Variants in SLC25A13 observed in about 807,000 individuals in gnomAD.
SLC25A13 encodes the protein electrogenic aspartate/glutamate antiporter SLC25A13, mitochondrial.
A neutral mutation model predicts 85.5 loss-of-function variants in SLC25A13; 70 were observed. That is an observed-to-expected ratio of 0.82 (90% CI 0.68 to 1.00). The LOEUF (loss-of-function observed/expected upper bound fraction) is 1.00. Among genes scored for constraint, SLC25A13 ranks in the 50% least tolerant of loss-of-function variants. SLC25A13 has a pLI of 0.00. For synonymous variants in SLC25A13, 259 were observed against 288.7 expected (o/e 0.90, Z 1.04); for missense variants, 765 against 819.8 (o/e 0.93, Z 0.82).
intron 13 of SLC25A13, 28 bp downstream of exon 13, chr7:96,170,017 A>C (rs747379156): frequency 1.2e-6 from 2 of 1,607,450 alleles, no homozygotes; most frequent in South Asian, 2.2e-5. Context: ...AAGTCTTTTC[A>C]ATGAAGAGAG....
chr7:96,265,787 A>C lies in SLC25A13; in HGVS notation c.212+11409T>G, dbSNP rs1798025053. On this transcript the variant is annotated intron_variant, in intron 3 of 17. Coordinates refer to ENST00000265631, the MANE Select transcript of SLC25A13 (RefSeq NM_014251.3). ...ATATCCTAGTACTTGGTAATTTATA[A>C]GTAACAGAATTTACTGCTCACAGTT... is the stretch of plus-strand genomic sequence containing the variant. Among the ~76,000 whole-genome samples the C allele has an allele frequency of 2.0e-5, 3 of 152,322 alleles. No homozygotes were observed. In the South Asian group the frequency reaches 6.2e-4, roughly 32 times the overall value.
At chr7:96,190,292 C>T (rs955783624) in intron 7 of SLC25A13, among the ~76,000 whole-genome samples, 1 of 151,790 alleles carries the variant, frequency 6.6e-6, no homozygotes, top group East Asian at 1.9e-4. Context: ...GGGGTTTCAC[C>T]GTGTTAGCCA....
intron 3 of SLC25A13, among the ~76,000 whole-genome samples, chr7:96,248,659 G>A (rs1465498000): frequency 6.6e-6 from 1 of 152,146 alleles, no homozygotes; most frequent in Admixed American, 6.5e-5. Flanking sequence ...AGTTCAGTCT[G>A]GGGGCTGGGA....
chr7:96,232,642 A>G (rs1388752193), intron 4 of SLC25A13, among the ~76,000 whole-genome samples: 1 of 37,152 alleles, frequency 2.7e-5, no homozygotes, highest in Non-Finnish European at 7.1e-5. Context: ...CTTCCCAAAG[A>G]AAAATGAAAA....
At chr7:96,244,314 G>A (rs1330294290) in intron 3 of SLC25A13, among the ~76,000 whole-genome samples, 1 of 152,168 alleles carries the variant, frequency 6.6e-6, no homozygotes. Context: ...TGAAGAGGAT[G>A]CTCCTAAGTA....
chr7:96,276,017 A>G (rs115767169), intron 3 of SLC25A13, among the ~76,000 whole-genome samples: 2,058 of 152,344 alleles, frequency 0.014, 43 homozygotes, highest in African/African-American at 0.047. Context: ...AATCAGACAC[A>G]TGAAGATTCC....
At chr7:96,213,946 T>C (rs973107333) in intron 4 of SLC25A13, among the ~76,000 whole-genome samples, 2 of 152,186 alleles carry the variant, frequency 1.3e-5, no homozygotes, top group African/African-American at 4.8e-5. Context: ...TAAAGTATAA[T>C]TGTTGTTATT....
At chr7:96,264,787 G>A (rs1284140343) in intron 3 of SLC25A13, among the ~76,000 whole-genome samples, 5 of 151,564 alleles carry the variant, frequency 3.3e-5, no homozygotes, top group African/African-American at 7.3e-5. Context: ...GGCCTCAAGC[G>A]ATCCTCCCGC....
intron 2 of SLC25A13, among the ~76,000 whole-genome samples, chr7:96,290,595 T>TG (rs1645713972): frequency 9.8e-6 from 1 of 101,716 alleles, no homozygotes; most frequent in African/African-American, 4.1e-5. Flanking sequence ...ACCAAGCAAA[T>TG]GGAAAAAAAA....
intron 3 of SLC25A13, among the ~76,000 whole-genome samples, chr7:96,245,681 C>T (rs1797163048): frequency 6.6e-6 from 1 of 152,140 alleles, no homozygotes; most frequent in South Asian, 2.1e-4. Context: ...CTACCAAAGA[C>T]TTCTTTTTAA....
At chr7:96,237,064 C>A (rs560309692) in intron 3 of SLC25A13, among the ~76,000 whole-genome samples, 1 of 152,318 alleles carries the variant, frequency 6.6e-6, no homozygotes, top group East Asian at 1.9e-4. Flanking sequence ...ACTTTCCAAA[C>A]CCCCTTTCCT....
chr7:96,180,058 G>A (rs778063063), intron 11 of SLC25A13, among the ~76,000 whole-genome samples: 2 of 152,158 alleles, frequency 1.3e-5, no homozygotes, highest in Non-Finnish European at 2.9e-5. Flanking sequence ...TCCTCTAGAT[G>A]TCACCTTGAG....
chr7:96,260,373 G>C (rs1157694603), intron 3 of SLC25A13, among the ~76,000 whole-genome samples: 1 of 152,016 alleles, frequency 6.6e-6, no homozygotes, highest in Non-Finnish European at 1.5e-5. Flanking sequence ...ACTGGCCAAA[G>C]ATGAGATATT....
intron 15 of SLC25A13, among the ~76,000 whole-genome samples, chr7:96,124,817 C>T (rs778587065): frequency 2.6e-5 from 4 of 152,150 alleles, no homozygotes; most frequent in Non-Finnish European, 4.4e-5. Context: ...CCCTTTTGAT[C>T]CCCACCACTT....
Position 96,208,851 on chromosome 7 carries a change from G to A in SLC25A13, c.455C>T (p.Thr152Ile), listed in dbSNP as rs751052385. The change falls in exon 5 of 18, where the codon ACT becomes ATT. Residue 152 changes from threonine (T) to isoleucine (I), a missense_variant. By Grantham distance (89) the Thr-to-Ile change is moderately conservative. Transcript: ENST00000265631. Reference sequence around the variant, plus strand: ...AGCTAGACCCACCAATAAAAACTGAGTAAATTCCGCATATGTCAGGTGTCT... The same window carrying A: ...AGCTAGACCCACCAATAAAAACTGAATAAATTCCGCATATGTCAGGTGTCT... ...RKRHLTYAEF[T>I]QFLLEIQLEH... 6.2e-7 allele frequency: 1 copy of A among 1,614,000 alleles called. No homozygotes were observed. Among genetic ancestry groups the A allele is most frequent in the South Asian group, 1.1e-5 (1 of 91,078 alleles).
intron 4 of SLC25A13, among the ~76,000 whole-genome samples, chr7:96,224,981 T>TAC (rs1796280085): frequency 6.6e-6 from 1 of 152,134 alleles, no homozygotes; most frequent in Non-Finnish European, 1.5e-5. Flanking sequence ...CCATGTCTAT[T>TAC]TCCTCTACAG....
rs759638459 is a variant in SLC25A13, at chr7:96,322,038, CCGGCGG to C, written c.-88_-83del. The C allele has an allele frequency of 3.3e-6, 5 of 1,511,714 alleles. No homozygotes were observed. In the South Asian group the frequency reaches 4.9e-5, roughly 15 times the overall value. 93.6% of individuals were successfully genotyped at this position (1,511,714 alleles called of 1,614,324 possible). A position where few individuals can be genotyped will look rare whatever the true frequency, so the allele number is the denominator to read the frequency against. On this transcript the variant is annotated 5_prime_UTR_variant, in exon 1 of 18. Coordinates refer to ENST00000265631, the MANE Select transcript of SLC25A13 (RefSeq NM_014251.3). ...GGACCCGGGCGGCTCACTTCTAGTC[CCGGCGG>C]CGGCGGCGGTGGGGGCGGCGATACG...
chr7:96,301,472 T>G (rs1267247485), intron 1 of SLC25A13, among the ~76,000 whole-genome samples: 1 of 152,182 alleles, frequency 6.6e-6, no homozygotes, highest in Non-Finnish European at 1.5e-5. Flanking sequence ...ATCAAGTAAC[T>G]GGTTTTCAAA....
intron 13 of SLC25A13, among the ~76,000 whole-genome samples, chr7:96,168,029 G>A (rs928350479): frequency 6.8e-6 from 1 of 147,382 alleles, no homozygotes; most frequent in Non-Finnish European, 1.5e-5. Context: ...GAACCCGGGA[G>A]GTGGAGGCTG....
Sources: gnomAD v4.1 joint callset for allele counts (sites outside exome capture counted in the v4.1 genomes callset) on GRCh38, gnomAD v4.1.1 for gene constraint, MANE v1.5 for transcripts, NCBI Gene and HGNC (gene_info 2026-07-23, HGNC 2026-07-21) for gene names.